Variants in STRAP observed in about 807,000 individuals in gnomAD.
The protein encoded by STRAP is serine/threonine kinase receptor associated protein.
Under a neutral mutation model 47.0 loss-of-function variants are expected in STRAP, and 16 were observed. That is an observed-to-expected ratio of 0.34 (90% CI 0.23 to 0.52). The LOEUF (loss-of-function observed/expected upper bound fraction) is 0.52, where lower values mean the gene tolerates loss of function less well. Among genes scored for constraint, STRAP ranks in the 20% least tolerant of loss-of-function variants. The probability of loss-of-function intolerance (pLI) is 0.96; values close to 1 mark genes in which losing one functional copy is unlikely to be tolerated. For synonymous variants in STRAP, 130 were observed against 142.7 expected, an observed-to-expected ratio of 0.91 and a Z score of 0.63; for missense variants, 293 against 420.0, an observed-to-expected ratio of 0.70 and a Z score of 2.64.
At chr12:15,886,472 T>G (rs1591983450) in intron 2 of STRAP, among the ~76,000 whole-genome samples, 1 of 152,218 alleles carries the variant, frequency 6.6e-6, no homozygotes, top group East Asian at 1.9e-4. Context: ...CTTTCATATC[T>G]GTAAAATGGG....
intron 6 of STRAP, 88 bp downstream of exon 6, chr12:15,895,584 A>G: frequency 1.4e-6 from 2 of 1,441,952 alleles, no homozygotes; most frequent in East Asian, 5.0e-5. Context: ...TACTTTTTTT[A>G]AAAGTAAAGA....
chr12:15,902,415 G>C (rs535236894), intron 9 of STRAP, among the ~76,000 whole-genome samples: 8 of 152,202 alleles, frequency 5.3e-5, no homozygotes, highest in Non-Finnish European at 8.8e-5. Context: ...GCTGCCATGA[G>C]AAACTGGGTA....
rs1053053398 is a variant in STRAP, at chr12:15,896,126, T to C, written c.638+630T>C. Among the ~76,000 whole-genome samples the C allele has an allele frequency of 1.3e-5, 2 of 151,924 alleles. No homozygotes were observed. The highest frequency in any genetic ancestry group is 1.3e-4 in the Admixed American group (2 of 15,250). On this transcript the variant is annotated intron_variant, in intron 6 of 9. Transcript: ENST00000419869. The surrounding 1 kb of genome is among the most constrained non-coding windows in gnomAD (Gnocchi z 4.1). ...GTGAGTACCTGTAATCCCAGCTACT[T>C]GGGAGGCTGAGGCAGGAGAATTGCT...
In STRAP at chr12:15,903,291, T is replaced by A. The variant is rs1403364098; in HGVS notation, c.*313T>A. 2 of 208,610 alleles carry A rather than the reference T, an allele frequency of 9.6e-6. No individual in the cohort carries two copies. The highest frequency in any genetic ancestry group is 1.9e-5 in the Non-Finnish European group (2 of 106,894). The allele number at this position is 208,610 out of a possible 1,614,324, so 12.9% of individuals were successfully genotyped here. ...GTTCTTGTAGCTGTTTATGTTAATATGGAGAAGAAAACTATATTGGCTGAT... is the reference window on the plus strand; with the variant it reads ...GTTCTTGTAGCTGTTTATGTTAATAAGGAGAAGAAAACTATATTGGCTGAT... On this transcript the variant is annotated 3_prime_UTR_variant, in exon 10 of 10. Coordinates refer to ENST00000419869, the MANE Select transcript of STRAP (RefSeq NM_007178.4).
chr12:15,898,570 G>A (rs780180179), intron 7 of STRAP, among the ~76,000 whole-genome samples: 8 of 152,080 alleles, frequency 5.3e-5, no homozygotes, highest in Non-Finnish European at 1.0e-4. Flanking sequence ...TGGAGTTTGA[G>A]TTTTGCTTTC....
chr12:15,885,800 G>T (rs751265751), intron 2 of STRAP, among the ~76,000 whole-genome samples: 102 of 151,900 alleles, frequency 6.7e-4, no homozygotes, highest in Non-Finnish European at 1.2e-3. Context: ...TTCTGTCATG[G>T]TACCTAATTC....
intron 4 of STRAP, among the ~76,000 whole-genome samples, chr12:15,892,971 A>G (rs1207764485): frequency 6.6e-6 from 1 of 152,178 alleles, no homozygotes; most frequent in East Asian, 1.9e-4. Flanking sequence ...TGTATCGGGT[A>G]TCTGTTAAGC....
intron 1 of STRAP, chr12:15,883,127 T>C (rs1947938285): frequency 2.6e-6 from 4 of 1,535,638 alleles, no homozygotes; most frequent in African/African-American, 2.7e-5. Context: ...ACACGGTAAA[T>C]AGCTTTCAAG....
At chr12:15,886,444 A>G (rs1485539645) in intron 2 of STRAP, among the ~76,000 whole-genome samples, 1 of 152,104 alleles carries the variant, frequency 6.6e-6, no homozygotes, top group African/African-American at 2.4e-5. Flanking sequence ...CCATGGCAGG[A>G]TGTTTCTTAA....
intron 2 of STRAP, among the ~76,000 whole-genome samples, chr12:15,885,180 G>GTTTTT (rs749702060): frequency 3.0e-5 from 3 of 99,590 alleles, no homozygotes; most frequent in African/African-American, 1.3e-4. Flanking sequence ...TACAAGTGGT[G>GTTTTT]TTTTTTTTTT....
chr12:15,886,292 C>A (rs1947972257), intron 2 of STRAP, among the ~76,000 whole-genome samples: 1 of 151,838 alleles, frequency 6.6e-6, no homozygotes, highest in Non-Finnish European at 1.5e-5. Flanking sequence ...CAGTCTCAAG[C>A]AGTTCTCCAA....
intron 2 of STRAP, among the ~76,000 whole-genome samples, chr12:15,889,660 T>G (rs760341971): frequency 2.0e-5 from 3 of 152,196 alleles, no homozygotes; most frequent in Non-Finnish European, 4.4e-5. Context: ...TCTTACTTGC[T>G]TAAATTGTTC....
chr12:15,893,193 T>C (rs2136110685), intron 4 of STRAP, among the ~76,000 whole-genome samples: 1 of 152,168 alleles, frequency 6.6e-6, no homozygotes, highest in Admixed American at 6.5e-5. Context: ...TTTTTTATGT[T>C]TTCCTCACAG....
Position 15,903,079 on chromosome 12 carries a change from C to G in STRAP, c.*101C>G. 1 of 1,264,470 alleles carries G rather than the reference C, an allele frequency of 7.9e-7. No individual in the cohort carries two copies. The highest frequency in any genetic ancestry group is 1.1e-6 in the Non-Finnish European group (1 of 947,488). The allele number at this position is 1,264,470 out of a possible 1,614,324, so 78.3% of individuals were successfully genotyped here. ...TACTGTCTGCTTAAGGCAGAAACAG[C>G]AGTAAATAATGAGGAAAATGAATTA... On this transcript the variant is annotated 3_prime_UTR_variant, in exon 10 of 10. Transcript: ENST00000419869.
Position 15,902,980 on chromosome 12 carries a change from C to T in STRAP, c.*2C>T, listed in dbSNP as rs759928879. ...TCAGCTCCTGATGTTAAGGCCTGAG[C>T]GTCAATCATATGTGCAGTTAGTATA... On this transcript the variant is annotated 3_prime_UTR_variant, in exon 10 of 10. Transcript: ENST00000419869. 1.3e-5 allele frequency: 18 copies of T among 1,411,916 alleles called. No homozygotes were observed. Among genetic ancestry groups the T allele is most frequent in the South Asian group, 5.1e-5 (4 of 77,734 alleles). The allele number at this position is 1,411,916 out of a possible 1,614,324, so 87.5% of individuals were successfully genotyped here.
chr12:15,885,180 G>GTTTTTTTTTTTTTT lies in STRAP; in HGVS notation c.248+1516_248+1529dup, dbSNP rs749702060. 1.7e-4 allele frequency among the ~76,000 whole-genome samples: 17 copies of GTTTTTTTTTTTTTT among 99,572 alleles called. 2 individuals carry two copies. Among genetic ancestry groups the GTTTTTTTTTTTTTT allele is most frequent in the African/African-American group, 7.3e-4 (17 of 23,354 alleles). The allele number at this position is 99,572 out of a possible 152,430, so 65.3% of individuals were successfully genotyped here. ...TAAGAGGCTAGAGAGTACAAGTGGT[G>GTTTTTTTTTTTTTT]TTTTTTTTTTTTTTTTTTTTTTTTT... On this transcript the variant is annotated intron_variant, in intron 2 of 9. Coordinates refer to ENST00000419869, the MANE Select transcript of STRAP (RefSeq NM_007178.4).
intron 8 of STRAP, 135 bp downstream of exon 8, chr12:15,900,188 C>G (rs920658609): frequency 2.0e-6 from 2 of 995,358 alleles, no homozygotes; most frequent in Non-Finnish European, 2.8e-6. Context: ...CAGCGAGAAG[C>G]CCAGGATTAT....
In STRAP at chr12:15,890,506, GC is replaced by G. The variant is rs1948005803; in HGVS notation, c.331-90del. 2 of 1,067,580 alleles carry G rather than the reference GC, an allele frequency of 1.9e-6. No individual in the cohort carries two copies. The highest frequency in any genetic ancestry group is 3.2e-5 in the African/African-American group (2 of 62,392). The allele number at this position is 1,067,580 out of a possible 1,614,324, so 66.1% of individuals were successfully genotyped here. A position where few individuals can be genotyped will look rare whatever the true frequency, so the allele number is the denominator to read the frequency against. ...TGGCATCTCTTTGTGATGTCTGTGA[GC>G]TAGATTTTGATTTTATTTGGTGTTG... is the stretch of plus-strand genomic sequence containing the variant. On this transcript the variant is annotated intron_variant, in intron 3 of 9. Coordinates refer to ENST00000419869, the MANE Select transcript of STRAP (RefSeq NM_007178.4). The surrounding 1 kb of genome is among the most constrained non-coding windows in gnomAD (Gnocchi z 4.5).
At position 15,901,852 on chromosome 12, in the gene STRAP, C is replaced by T. The variant is rs569282471; in HGVS notation, c.991+840C>T. On this transcript the variant is annotated intron_variant, in intron 9 of 9. Coordinates refer to ENST00000419869, the MANE Select transcript of STRAP (RefSeq NM_007178.4). ...CTCCAGCTTGGGTGTCAGAGAGAGA[C>T]TCTGTCTCAAAAAAAAAAAAAAAAA... is the stretch of plus-strand genomic sequence containing the variant. 9.8e-5 allele frequency among the ~76,000 whole-genome samples: 11 copies of T among 112,060 alleles called. No individual in the cohort carries two copies. The East Asian group carries it at 2.7e-3, about 28-fold the overall frequency. The allele number at this position is 112,060 out of a possible 152,430, so 73.5% of individuals were successfully genotyped here. A position where few individuals can be genotyped will look rare whatever the true frequency, so the allele number is the denominator to read the frequency against.
Sources: allele counts gnomAD v4.1 joint callset (sites outside exome capture counted in the v4.1 genomes callset), GRCh38; gene constraint gnomAD v4.1.1; non-coding constraint Gnocchi (gnomAD v3.1); transcripts MANE v1.5; gene names NCBI Gene and HGNC (gene_info 2026-07-23, HGNC 2026-07-21).